The following KLHL13 variants were observed in gnomAD, a reference collection of about 807,000 sequenced individuals.
KLHL13 encodes kelch-like protein 13.
KLHL13 carries 10 observed loss-of-function variants against 37.1 expected under a neutral mutation model. The ratio of observed to expected loss-of-function variants is 0.27; its 90% confidence interval spans 0.17 to 0.46. The LOEUF (loss-of-function observed/expected upper bound fraction) is 0.46, where lower values mean the gene tolerates loss of function less well. Among genes scored for constraint, KLHL13 ranks in the 20% least tolerant of loss-of-function variants. The probability of loss-of-function intolerance (pLI) is 1.00; values close to 1 mark genes in which losing one functional copy is unlikely to be tolerated. For missense variants in KLHL13, 360 were observed against 509.3 expected (o/e 0.71, Z 2.82); for synonymous variants, 163 against 181.2 (o/e 0.90, Z 0.81).
intron 1 of KLHL13, among the ~76,000 whole-genome samples, chrX:118,064,244 A>C (rs1602694689): frequency 8.9e-6 from 1 of 111,897 alleles, no homozygotes; most frequent in African/African-American, 3.2e-5. Context: ...TCACTTAAAA[A>C]TGTGTTTTTG....
intron 1 of KLHL13, among the ~76,000 whole-genome samples, chrX:118,052,977 T>C (rs952468357): frequency 2.7e-4 from 30 of 111,924 alleles, no homozygotes; most frequent in Non-Finnish European, 5.1e-4. Flanking sequence ...GTTGCAATTG[T>C]ATATGGTACA....
chrX:117,968,086 C>A (rs1348270338), intron 1 of KLHL13, among the ~76,000 whole-genome samples: 2 of 112,330 alleles, frequency 1.8e-5, no homozygotes, highest in Non-Finnish European at 3.8e-5. Flanking sequence ...AAACCATCCA[C>A]GTGAGGACAA....
At chrX:118,010,868 T>C (rs1429986572) in intron 1 of KLHL13, among the ~76,000 whole-genome samples, 1 of 107,114 alleles carries the variant, frequency 9.3e-6, no homozygotes, top group African/African-American at 3.4e-5. Flanking sequence ...AGCCCAGGAG[T>C]TGAAGACCAG....
At chrX:117,973,780 C>T (rs1278341978), upstream of KLHL13, 9 of 741,097 alleles carry the variant, frequency 1.2e-5, no homozygotes, top group African/African-American at 2.4e-5. Flanking sequence ...TAATTCAATA[C>T]TGCCCTCCCC....
At chrX:118,028,471 C>T in intron 1 of KLHL13, 1 of 1,114,731 alleles carries the variant, frequency 9.0e-7, no homozygotes, top group Admixed American at 2.6e-5. Flanking sequence ...GCAGATGATC[C>T]ATCACCTCTA....
chrX:117,932,576 T>C lies in KLHL13; in HGVS notation c.241-12206A>G, dbSNP rs1932510292. 3.6e-5 allele frequency among the ~76,000 whole-genome samples: 4 copies of C among 112,208 alleles called. No homozygotes were observed. The South Asian group carries it at 1.5e-3, about 41-fold the overall frequency. On this transcript the variant is annotated intron_variant, in intron 2 of 6. Transcript: ENST00000262820. The stretch of plus-strand genomic sequence containing the variant: ...TCTATCTATCTGTATCACATTTATA[T>C]ATAGATGTAGATATAAAATTTTTTT...
At chrX:117,996,466 T>C (rs5956838) in intron 1 of KLHL13, among the ~76,000 whole-genome samples, 7,071 of 111,600 alleles carry the variant, frequency 0.063, 536 homozygotes, top group African/African-American at 0.22. Context: ...AAAAAGAGCA[T>C]AGAACCGATT....
upstream of KLHL13, among the ~76,000 whole-genome samples, chrX:117,976,731 T>C (rs1035694560): frequency 1.8e-5 from 2 of 111,815 alleles, no homozygotes; most frequent in African/African-American, 6.5e-5. Flanking sequence ...AAAGACAACA[T>C]ACATAAAAGC....
At chrX:118,099,439 T>G (rs150030106) in intron 1 of KLHL13, among the ~76,000 whole-genome samples, 1,943 of 111,755 alleles carry the variant, frequency 0.017, 43 homozygotes, top group African/African-American at 0.058. Flanking sequence ...TATAAACTTA[T>G]AGACTTTCAA....
At chrX:117,977,655 T>C (rs763457627), upstream of KLHL13, among the ~76,000 whole-genome samples, 4 of 112,281 alleles carry the variant, frequency 3.6e-5, no homozygotes, top group Non-Finnish European at 5.6e-5. Context: ...CAGATTAATC[T>C]AAAATATCCA....
At chrX:117,949,984 T>G (rs779336012) in intron 1 of KLHL13, among the ~76,000 whole-genome samples, 22 of 112,460 alleles carry the variant, frequency 2.0e-4, no homozygotes, top group African/African-American at 7.1e-4. Context: ...CTGTACTGTT[T>G]GTAATTTCTG....
chrX:118,036,660 T>C (rs2054446011), intron 1 of KLHL13, among the ~76,000 whole-genome samples: 1 of 111,467 alleles, frequency 9.0e-6, no homozygotes, highest in Non-Finnish European at 1.9e-5. Flanking sequence ...ACATAGGCAT[T>C]ACCATTCAGG....
chrX:118,056,505 C>T lies in KLHL13; in HGVS notation c.-56+60003G>A, dbSNP rs893489740. 3.6e-5 allele frequency among the ~76,000 whole-genome samples: 4 copies of T among 111,742 alleles called. No homozygotes were observed. In the Admixed American group the frequency reaches 3.8e-4, roughly 11 times the overall value. On this transcript the variant is annotated intron_variant, in intron 1 of 6. Coordinates refer to the KLHL13 transcript ENST00000371882. Reference sequence around the variant, plus strand: ...CTCAAAAGCCACATGTAGCTAGTGGCTATTGTATCGGACAGGAAAGCCTTA... The same window carrying T: ...CTCAAAAGCCACATGTAGCTAGTGGTTATTGTATCGGACAGGAAAGCCTTA...
intron 1 of KLHL13, among the ~76,000 whole-genome samples, chrX:117,982,778 C>A (rs906082201): frequency 8.9e-6 from 1 of 111,907 alleles, no homozygotes; most frequent in Non-Finnish European, 1.9e-5. Flanking sequence ...GTTGCTAATT[C>A]CTGCTGAATA....
At chrX:118,102,642 T>G (rs1261553152) in intron 1 of KLHL13, among the ~76,000 whole-genome samples, 7 of 112,057 alleles carry the variant, frequency 6.2e-5, no homozygotes, top group African/African-American at 1.9e-4. Flanking sequence ...GTAAAATACC[T>G]CATTTTCTCT....
chrX:117,997,833 C>T (rs1241696567), intron 1 of KLHL13, among the ~76,000 whole-genome samples: 1 of 111,538 alleles, frequency 9.0e-6, no homozygotes, highest in Admixed American at 9.6e-5. Context: ...TTTGTAAGTA[C>T]CCCTGAAGGC....
At chrX:117,936,272 C>CA (rs1226438987) in intron 2 of KLHL13, among the ~76,000 whole-genome samples, 1 of 111,512 alleles carries the variant, frequency 9.0e-6, no homozygotes, top group Non-Finnish European at 1.9e-5. Flanking sequence ...TTTGCCCTGC[C>CA]AACTCAGTCA....
intron 1 of KLHL13, among the ~76,000 whole-genome samples, chrX:118,008,892 T>G (rs1392137272): frequency 1.8e-5 from 2 of 111,789 alleles, no homozygotes; most frequent in Non-Finnish European, 3.8e-5. Context: ...AAAGTTATTA[T>G]GAGAATAACA....
upstream of KLHL13, among the ~76,000 whole-genome samples, chrX:117,975,935 A>G (rs1213537941): frequency 8.9e-6 from 1 of 111,807 alleles, no homozygotes; most frequent in Non-Finnish European, 1.9e-5. Context: ...TTCTTCTATA[A>G]ACAATCAACT....
Sources: gnomAD v4.1 joint callset for allele counts (sites outside exome capture counted in the v4.1 genomes callset) on GRCh38, gnomAD v4.1.1 for gene constraint, MANE v1.5 for transcripts, NCBI Gene and HGNC (gene_info 2026-07-23, HGNC 2026-07-21) for gene names.